Variants in PRPF31 observed in about 807,000 individuals in gnomAD.
PRPF31 encodes the protein U4/U6 small nuclear ribonucleoprotein Prp31.
A neutral mutation model predicts 60.4 loss-of-function variants in PRPF31; 12 were observed. That is an observed-to-expected ratio of 0.20 (90% CI 0.13 to 0.32). PRPF31 has a LOEUF of 0.32. PRPF31 is among the 10% of genes least tolerant of loss of function. The probability of loss-of-function intolerance (pLI) is 1.00; values close to 1 mark genes in which losing one functional copy is unlikely to be tolerated. For missense variants in PRPF31, 431 were observed against 687.1 expected, an observed-to-expected ratio of 0.63 and a Z score of 4.17; for synonymous variants, 287 against 287.9, an observed-to-expected ratio of 1.00 and a Z score of 0.03.
At chr19:54,127,997 G>A (rs1004580735) in intron 9 of PRPF31, 76 bp from the exon 10 acceptor site, 184 of 1,542,094 alleles carry the variant, frequency 1.2e-4, no homozygotes, top group East Asian at 9.5e-4. Context: ...GTGGATACTC[G>A]GGGGGCCCGC....
In PRPF31 at chr19:54,131,197, T is replaced by C. The variant is rs8103256; in HGVS notation, c.1375-110T>C. 5.7e-3 allele frequency: 8,419 copies of C among 1,464,622 alleles called. 420 individuals carry two copies. In the African/African-American group the frequency reaches 0.1, roughly 18 times the overall value. 90.7% of individuals were successfully genotyped at this position (1,464,622 alleles called of 1,614,324 possible). A position where few individuals can be genotyped will look rare whatever the true frequency, so the allele number is the denominator to read the frequency against. On this transcript the variant is annotated intron_variant, in intron 13 of 13. Transcript: ENST00000321030. ...CTCCAGGGACAGGCAAACTGTCTCATGCCCACCAAGGCCTGAGTGCCATGG... is the reference window on the plus strand; with the variant it reads ...CTCCAGGGACAGGCAAACTGTCTCACGCCCACCAAGGCCTGAGTGCCATGG...
At position 54,129,484 on chromosome 19, in the gene PRPF31, G is replaced by T. The variant is rs2074003270; in HGVS notation, c.1374+114G>T. On this transcript the variant is annotated intron_variant, in intron 13 of 13. Coordinates refer to ENST00000321030, the MANE Select transcript of PRPF31 (RefSeq NM_015629.4). ...TCTCCTCATGGGGCTGTTGTGGAGGGTGTGGTGACGAGGTATGCAGAGGAC... is the reference window on the plus strand; with the variant it reads ...TCTCCTCATGGGGCTGTTGTGGAGGTTGTGGTGACGAGGTATGCAGAGGAC... 2.3e-6 allele frequency: 3 copies of T among 1,304,600 alleles called. No individual in the cohort carries two copies. In the South Asian group the frequency reaches 3.9e-5, roughly 17 times the overall value. The allele number at this position is 1,304,600 out of a possible 1,614,324, so 80.8% of individuals were successfully genotyped here. A position where few individuals can be genotyped will look rare whatever the true frequency, so the allele number is the denominator to read the frequency against.
intron 1 of PRPF31, among the ~76,000 whole-genome samples, 190 bp from the exon 2 acceptor site, chr19:54,118,081 G>A (rs1250128900): frequency 5.9e-5 from 9 of 152,154 alleles, no homozygotes; most frequent in Admixed American, 4.6e-4. Flanking sequence ...GGTGTGCTGC[G>A]TCTTGCACAG....
At chr19:54,130,861 GTTA>G (rs1230330643) in intron 13 of PRPF31, among the ~76,000 whole-genome samples, 2 of 152,110 alleles carry the variant, frequency 1.3e-5, no homozygotes, top group African/African-American at 4.8e-5. Context: ...ACTGGGTCCT[GTTA>G]TTATTTTTAG....
intron 1 of PRPF31, among the ~76,000 whole-genome samples, chr19:54,116,547 C>T (rs2073645609): frequency 6.6e-6 from 1 of 152,220 alleles, no homozygotes; most frequent in East Asian, 1.9e-4. Context: ...ATGCGCCTAC[C>T]ATGGTGTGGC....
At chr19:54,124,000 T>TG in intron 7 of PRPF31, 82 bp downstream of exon 7, 1 of 1,590,278 alleles carries the variant, frequency 6.3e-7, no homozygotes, top group Non-Finnish European at 8.5e-7. Flanking sequence ...TTCTGTAGAA[T>TG]GGGGGCTTTG....
chr19:54,126,749 C>A, intron 9 of PRPF31, 132 bp downstream of exon 9: 1 of 939,294 alleles, frequency 1.1e-6, no homozygotes, highest in South Asian at 1.4e-5. Flanking sequence ...GTGCTTCTGC[C>A]CACCCTCCCT....
At chr19:54,126,429 C>A in intron 8 of PRPF31, 99 bp from the exon 9 acceptor site, 1 of 1,145,242 alleles carries the variant, frequency 8.7e-7, no homozygotes, top group Non-Finnish European at 1.3e-6. Flanking sequence ...CCTTCCAGGA[C>A]CCCAGGTAGA....
In PRPF31 at chr19:54,123,591, C is replaced by T. The variant is rs369448809; in HGVS notation, c.527+31C>T. The T allele has an allele frequency of 4.3e-6, 7 of 1,611,412 alleles. No homozygotes were observed. The East Asian group carries it at 8.9e-5, about 21-fold the overall frequency. On this transcript the variant is annotated intron_variant, in intron 6 of 13. Coordinates refer to ENST00000321030, the MANE Select transcript of PRPF31 (RefSeq NM_015629.4). Reference sequence around the variant, plus strand: ...TCCGCTTCGAGGGAGGCGCCGGGCCCTAATGGGATTGGGGATTAGGCTGGA... The same window carrying T: ...TCCGCTTCGAGGGAGGCGCCGGGCCTTAATGGGATTGGGGATTAGGCTGGA...
At chr19:54,121,970 A>G (rs1283634252) in intron 4 of PRPF31, 27 bp downstream of exon 4, 6 of 1,594,734 alleles carry the variant, frequency 3.8e-6, no homozygotes, top group Non-Finnish European at 5.1e-6. Context: ...AGGCGGAGAC[A>G]GCCCCGTGTG....
In PRPF31 at chr19:54,131,459, C is replaced by T. The variant is rs781625237; in HGVS notation, c.*27C>T. ...TGACTGCGTGTGTCCAAGGTGGCTT[C>T]CCACTGAAGGGACACAGAGGTCCAG... On this transcript the variant is annotated 3_prime_UTR_variant, in exon 14 of 14. Coordinates refer to ENST00000321030, the MANE Select transcript of PRPF31 (RefSeq NM_015629.4). The T allele has an allele frequency of 6.2e-7, 1 of 1,613,626 alleles. No individual in the cohort carries two copies. Among genetic ancestry groups the T allele is most frequent in the Non-Finnish European group, 8.5e-7 (1 of 1,179,824 alleles).
At chr19:54,125,897 G>T (rs587705924) in intron 8 of PRPF31, among the ~76,000 whole-genome samples, 1 of 152,328 alleles carries the variant, frequency 6.6e-6, no homozygotes, top group African/African-American at 2.4e-5. Flanking sequence ...TGGGCATATG[G>T]GTTAAACCTG....
At chr19:54,122,016 C>T in intron 4 of PRPF31, 73 bp downstream of exon 4, 4 of 1,463,268 alleles carry the variant, frequency 2.7e-6, no homozygotes, top group Non-Finnish European at 9.4e-7. Flanking sequence ...CCCCACTGGC[C>T]TTTCCCAGGG....
At chr19:54,123,694 T>C in intron 6 of PRPF31, 55 bp from the exon 7 acceptor site, 3 of 1,593,394 alleles carry the variant, frequency 1.9e-6, no homozygotes, top group South Asian at 2.2e-5. Flanking sequence ...GGGCTGGGGC[T>C]GGGCACACCA....
rs1292925492 is a variant in PRPF31, at chr19:54,131,181, C to T, written c.1375-126C>T. On this transcript the variant is annotated intron_variant, in intron 13 of 13. Transcript: ENST00000321030. ...TCCCAAGACAGGGCAACTCCAGGGA[C>T]AGGCAAACTGTCTCATGCCCACCAA... 2.2e-6 allele frequency: 3 copies of T among 1,363,330 alleles called. No individual in the cohort carries two copies. In the African/African-American group the frequency reaches 4.3e-5, roughly 20 times the overall value. The allele number at this position is 1,363,330 out of a possible 1,614,324, so 84.5% of individuals were successfully genotyped here.
chr19:54,118,917 TTG>T, intron 3 of PRPF31: 1 of 503,772 alleles, frequency 2.0e-6, no homozygotes, highest in Non-Finnish European at 3.5e-6. Context: ...TACAGGGTTT[TTG>T]CCACATCTAT....
chr19:54,118,815 T>C, intron 3 of PRPF31, 182 bp downstream of exon 3: 1 of 632,924 alleles, frequency 1.6e-6, no homozygotes, highest in Non-Finnish European at 2.7e-6. Context: ...GTAAAGCTCA[T>C]GCTTCTTAAG....
intron 8 of PRPF31, among the ~76,000 whole-genome samples, chr19:54,125,605 GC>G (rs1188152192): frequency 1.3e-5 from 2 of 152,116 alleles, no homozygotes; most frequent in Admixed American, 1.3e-4. Context: ...CCTGTGCCCT[GC>G]CTGGCCTCCC....
chr19:54,126,496 A>G, intron 8 of PRPF31, 32 bp from the exon 9 acceptor site: 2 of 1,600,904 alleles, frequency 1.2e-6, no homozygotes, highest in Non-Finnish European at 1.7e-6. Context: ...TCTGTCTCAC[A>G]CAGATTCCAC....
Sources: allele counts gnomAD v4.1 joint callset (sites outside exome capture counted in the v4.1 genomes callset), GRCh38; gene constraint gnomAD v4.1.1; transcripts MANE v1.5; gene names NCBI Gene and HGNC (gene_info 2026-07-23, HGNC 2026-07-21).